The following LVRN variants were observed in gnomAD, a reference collection of about 807,000 sequenced individuals.
LVRN encodes the protein aminopeptidase Q.
LVRN carries 99 observed loss-of-function variants against 111.4 expected under a neutral mutation model. That is an observed-to-expected ratio of 0.89 (90% CI 0.76 to 1.05). LVRN has a LOEUF of 1.05. Among genes scored for constraint, LVRN ranks in the 50% least tolerant of loss-of-function variants. The pLI, the probability that LVRN is intolerant of heterozygous loss-of-function variation, is 0.00. For synonymous variants in LVRN, 488 were observed against 449.5 expected (o/e 1.09, Z -1.08); for missense variants, 1,414 against 1,206.8 (o/e 1.17, Z -2.54).
chr5:115,974,437 G>A (rs910874338), intron 1 of LVRN: 2 of 152,206 alleles, frequency 1.3e-5, no homozygotes, highest in Non-Finnish European at 2.9e-5. Flanking sequence ...GTTTATGAAA[G>A]CAGGCATTTG....
rs191999156 is a variant in LVRN at position 115,986,022 on chromosome 5, C to T, written c.978+1313C>T. 1.0e-3 allele frequency among the ~76,000 whole-genome samples: 153 copies of T among 152,344 alleles called. 2 individuals are homozygous for T. Among genetic ancestry groups the T allele is most frequent in the Middle Eastern group, 3.4e-3 (1 of 294 alleles). ...ATCAGGGGAGAATTACTCAAAGCTA[C>T]TCCTCCTTTACAACTCCTAACCTAG... On this transcript the variant is annotated intron_variant, in intron 3 of 19. Transcript: ENST00000357872.
At chr5:115,964,612 C>CAGAT (rs1471083427) in intron 1 of LVRN, among the ~76,000 whole-genome samples, 2 of 142,578 alleles carry the variant, frequency 1.4e-5, no homozygotes, top group Admixed American at 7.0e-5. Flanking sequence ...TTTTTTTTTT[C>CAGAT]TTGCTGTAGG....
chr5:116,015,485 T>TA, intron 17 of LVRN, 66 bp downstream of exon 17: 1 of 1,474,848 alleles, frequency 6.8e-7, no homozygotes, highest in Non-Finnish European at 9.0e-7. Context: ...GGAAAAAAAA[T>TA]AGAAATGTGC....
At position 115,997,181 on chromosome 5, in the gene LVRN, T is replaced by C. The variant is rs117925909; in HGVS notation, c.1375-2581T>C. Among the ~76,000 whole-genome samples, 152 of 152,274 alleles carry C rather than the reference T, an allele frequency of 1.0e-3. 3 individuals carry two copies. The East Asian group carries it at 0.027, about 27-fold the overall frequency. ...TAATCCATTGAGGACATTGTTGTTT[T>C]ACCCATTTTCGGACGGCAACTGAGT... is the stretch of plus-strand genomic sequence containing the variant. On this transcript the variant is annotated intron_variant, in intron 6 of 19. Transcript: ENST00000357872.
intron 19 of LVRN, 70 bp from the exon 20 acceptor site, chr5:116,025,908 C>T (rs969234418): frequency 2.7e-5 from 42 of 1,579,586 alleles, no homozygotes; most frequent in Non-Finnish European, 3.5e-5. Context: ...TGCTACTTAG[C>T]ATTTAGACAT....
chr5:115,966,569 T>C (rs1416505921), intron 1 of LVRN, among the ~76,000 whole-genome samples: 1 of 152,222 alleles, frequency 6.6e-6, no homozygotes, highest in Non-Finnish European at 1.5e-5. Flanking sequence ...GCTAGCCTCA[T>C]ACTTCTGGCC....
chr5:115,964,254 C>T lies in LVRN; in HGVS notation c.695+942C>T, dbSNP rs189537980. Among the ~76,000 whole-genome samples, 467 of 152,144 alleles carry T rather than the reference C, an allele frequency of 3.1e-3. 1 individual carries two copies. The highest frequency in any genetic ancestry group is 0.01 in the African/African-American group (430 of 41,436). On this transcript the variant is annotated intron_variant, in intron 1 of 19. Coordinates refer to ENST00000357872, the MANE Select transcript of LVRN (RefSeq NM_173800.5). ...GCCGTACACAACTGCATGTACTTTG[C>T]CCTTTATTATTAGAGAAAATGTTCT...
intron 13 of LVRN, among the ~76,000 whole-genome samples, chr5:116,008,746 A>G (rs1561566671): frequency 6.6e-6 from 1 of 152,208 alleles, no homozygotes; most frequent in African/African-American, 2.4e-5. Flanking sequence ...AATTCTATTC[A>G]GGCTAAGAGA....
Position 115,968,446 on chromosome 5 carries a change from T to C in LVRN, c.695+5134T>C, listed in dbSNP as rs929302725. On this transcript the variant is annotated intron_variant, in intron 1 of 19. Transcript: ENST00000357872. ...GCCTTAGTTCCCCACCCTTTTTTTT[T>C]TTTTTTTTCAGAGATGGGATCTCAC... 2.5e-3 allele frequency among the ~76,000 whole-genome samples: 382 copies of C among 151,744 alleles called. 1 individual carries two copies. Among genetic ancestry groups the C allele is most frequent in the African/African-American group, 8.8e-3 (365 of 41,384 alleles).
intron 1 of LVRN, among the ~76,000 whole-genome samples, chr5:115,967,921 T>G (rs1561552188): frequency 6.6e-6 from 1 of 152,354 alleles, no homozygotes; most frequent in Non-Finnish European, 1.5e-5. Flanking sequence ...CTGCTTTGTA[T>G]GTTGATCTTG....
At chr5:116,012,608 G>C in intron 15 of LVRN, 140 bp downstream of exon 15, 1 of 555,544 alleles carries the variant, frequency 1.8e-6, no homozygotes, top group Non-Finnish European at 3.1e-6. Context: ...CAATAGCTCA[G>C]AGGTTGGTGG....
At chr5:116,010,561 A>G in intron 13 of LVRN, 180 bp from the exon 14 acceptor site, 1 of 678,180 alleles carries the variant, frequency 1.5e-6, no homozygotes. Flanking sequence ...AAATGGAAGG[A>G]CTGTCAACTT....
Position 115,984,650 on chromosome 5 carries a change from T to G in LVRN, c.919T>G (p.Leu307Val), listed in dbSNP as rs781019454. 2.5e-6 allele frequency: 4 copies of G among 1,613,698 alleles called. No homozygotes were observed. The highest frequency in any genetic ancestry group is 3.4e-6 in the Non-Finnish European group (4 of 1,179,760). ...FSTTPHMPTY[L>V]VAFVICDYDH... The stretch of plus-strand genomic sequence containing the variant: ...CACTACGCCCCACATGCCAACTTAC[T>G]TAGTCGCATTTGTTATATGTGACTA... The change falls in exon 3 of 20, where the codon TTA becomes GTA. Residue 307 changes from leucine to valine, a missense_variant. By Grantham distance (32) the Leu-to-Val change is conservative. Transcript: ENST00000357872.
At chr5:116,019,686 C>T (rs73783057) in intron 18 of LVRN, among the ~76,000 whole-genome samples, 5,601 of 152,228 alleles carry the variant, frequency 0.037, 274 homozygotes, top group African/African-American at 0.11. Flanking sequence ...CTGTGGGAGC[C>T]AGAATCATCA....
intron 13 of LVRN, 166 bp from the exon 14 acceptor site, chr5:116,010,573 GCT>G (rs1399384810): frequency 1.4e-6 from 1 of 721,894 alleles, no homozygotes. Context: ...TGTCAACTTT[GCT>G]TGGGTTTCAT....
intron 18 of LVRN, chr5:116,020,185 A>G (rs990700150): frequency 6.6e-5 from 10 of 152,234 alleles, no homozygotes; most frequent in Non-Finnish European, 1.5e-4. Flanking sequence ...TTAGTTAATT[A>G]TTGGGCCAAA....
At chr5:116,014,961 A>C (rs1313687995) in intron 16 of LVRN, among the ~76,000 whole-genome samples, 1 of 152,102 alleles carries the variant, frequency 6.6e-6, no homozygotes, top group Admixed American at 6.6e-5. Flanking sequence ...AGCACCTCGG[A>C]TGGACTCTTA....
chr5:115,963,269 G>C lies in LVRN; in HGVS notation c.652G>C (p.Glu218Gln), dbSNP rs1437005410. ...FSGLVKEDLR[E>Q]GLFLNVYTDQ... ...GGGCCTGGTGAAGGAAGACCTCAGG[G>C]AGGGACTCTTCCTCAACGTCTACAC... The change falls in exon 1 of 20, where the codon GAG becomes CAG. Residue 218 changes from glutamate (E) to glutamine (Q), a missense_variant. Physicochemically the swap from Glu to Gln is conservative, Grantham distance 29. Transcript: ENST00000357872. The C allele has an allele frequency of 1.2e-6, 2 of 1,612,654 alleles. No homozygotes were observed. Among genetic ancestry groups the C allele is most frequent in the South Asian group, 1.1e-5 (1 of 90,886 alleles).
At chr5:115,999,215 C>T (rs1314657807) in intron 6 of LVRN, among the ~76,000 whole-genome samples, 1 of 152,162 alleles carries the variant, frequency 6.6e-6, no homozygotes, top group Non-Finnish European at 1.5e-5. Flanking sequence ...TTAAAGAGTC[C>T]TATGGTTTTT....
Sources: gnomAD v4.1 joint callset for allele counts (sites outside exome capture counted in the v4.1 genomes callset) on GRCh38, gnomAD v4.1.1 for gene constraint, MANE v1.5 for transcripts, NCBI Gene and HGNC (gene_info 2026-07-23, HGNC 2026-07-21) for gene names.